HPSE2: variants seen among roughly 807,000 people sequenced by gnomAD.
The protein encoded by HPSE2 is heparanase 2 (inactive), also known as inactive heparanase-2.
HPSE2 carries 38 observed loss-of-function variants against 60.5 expected under a neutral mutation model. That is an observed-to-expected ratio of 0.63 (90% CI 0.48 to 0.82). The LOEUF is 0.82. HPSE2 is among the 40% of genes least tolerant of loss of function. The pLI, the probability that HPSE2 is intolerant of heterozygous loss-of-function variation, is 0.00. For synonymous variants in HPSE2, 295 were observed against 293.2 expected, an observed-to-expected ratio of 1.01 and a Z score of -0.06; for missense variants, 713 against 740.4, an observed-to-expected ratio of 0.96 and a Z score of 0.43.
intron 3 of HPSE2, among the ~76,000 whole-genome samples, chr10:99,116,329 ATTC>A (rs1844689496): frequency 6.6e-6 from 1 of 152,144 alleles, no homozygotes; most frequent in African/African-American, 2.4e-5. Flanking sequence ...GCCCATTATG[ATTC>A]CTTCATCTAT....
intron 9 of HPSE2, among the ~76,000 whole-genome samples, chr10:98,614,494 ATGTTAGCCAGGATGGG>A (rs751198006): frequency 3.0e-4 from 45 of 152,054 alleles, no homozygotes; most frequent in Non-Finnish European, 5.6e-4. Context: ...GGGTTTCACC[ATGTTAGCCAGGATGGG>A]CTCGATCTCC....
At chr10:98,897,230 C>A (rs1433397440) in intron 3 of HPSE2, among the ~76,000 whole-genome samples, 3 of 152,104 alleles carry the variant, frequency 2.0e-5, no homozygotes, top group Non-Finnish European at 2.9e-5. Flanking sequence ...TTATTGAGTA[C>A]AGTGTACACC....
intron 2 of HPSE2, among the ~76,000 whole-genome samples, chr10:99,165,271 A>G (rs1847030397): frequency 6.6e-6 from 1 of 152,014 alleles, no homozygotes; most frequent in African/African-American, 2.4e-5. Context: ...TACCAACCAC[A>G]GTACAGTGCT....
rs576574839 is a variant in HPSE2, at chr10:99,073,889, G to C, written c.610+70349C>G. On this transcript the variant is annotated intron_variant, in intron 3 of 11. Transcript: ENST00000370552. ...ATGGAAACAAAAGTGACTTTTATAT[G>C]TTGATTTTGAATCCTAAAACTTTAC... Among the ~76,000 whole-genome samples the C allele has an allele frequency of 3.5e-5, 5 of 142,694 alleles. No homozygotes were observed. In the South Asian group the frequency reaches 1.1e-3, roughly 32 times the overall value. 93.6% of individuals were successfully genotyped at this position (142,694 alleles called of 152,430 possible).
chr10:99,220,756 C>A (rs1849281700), intron 2 of HPSE2, among the ~76,000 whole-genome samples: 1 of 148,556 alleles, frequency 6.7e-6, no homozygotes, highest in South Asian at 2.2e-4. Flanking sequence ...TGAGCTGAGA[C>A]TGCATCACTG....
At position 98,459,545 on chromosome 10, in the gene HPSE2, C is replaced by T; in HGVS notation, c.*29G>A. On this transcript the variant is annotated 3_prime_UTR_variant, in exon 12 of 12. Transcript: ENST00000370552. ...GAGGAGTGGAAGCAGCCCAGCAGGC[C>T]CACTGGTAGCCGTGAGTGTGAGGAT... The T allele has an allele frequency of 6.2e-7, 1 of 1,613,240 alleles. No homozygotes were observed. Among genetic ancestry groups the T allele is most frequent in the African/African-American group, 1.3e-5 (1 of 74,980 alleles).
intron 3 of HPSE2, among the ~76,000 whole-genome samples, chr10:98,967,878 GGA>G (rs63185062): frequency 0.47 from 71,939 of 151,584 alleles, 19,079 homozygotes; most frequent in East Asian, 0.62. Flanking sequence ...ACAAGCAAAA[GGA>G]GAGGGAATAT....
chr10:98,664,340 T>C lies in HPSE2; in HGVS notation c.1005-22400A>G, dbSNP rs563312055. Among the ~76,000 whole-genome samples, 4 of 152,144 alleles carry C rather than the reference T, an allele frequency of 2.6e-5. No homozygotes were observed. The East Asian group carries it at 7.8e-4, about 30-fold the overall frequency. Reference sequence around the variant, plus strand: ...TCTCAGAACACTGAATGGGGTGAGATGCCTGGGTTTGTGGGCTGGCAGGGA... The same window carrying C: ...TCTCAGAACACTGAATGGGGTGAGACGCCTGGGTTTGTGGGCTGGCAGGGA... On this transcript the variant is annotated intron_variant, in intron 6 of 11. Coordinates refer to ENST00000370552, the MANE Select transcript of HPSE2 (RefSeq NM_021828.5).
In HPSE2 at chr10:98,743,984, A is replaced by C; in HGVS notation, c.683T>G (p.Leu228Arg). 1 of 1,614,166 alleles carries C rather than the reference A, an allele frequency of 6.2e-7. No homozygotes were observed. The highest frequency in any genetic ancestry group is 1.3e-5 in the African/African-American group (1 of 75,058). ...GLHLIFALNA[L>R]RRNPNNSWNS... Reference sequence around the variant, plus strand: ...CCAGGAGTTATTGGGATTACGACGCAGTGCATTTAGAGCAAATATCAGGTG... The same window carrying C: ...CCAGGAGTTATTGGGATTACGACGCCGTGCATTTAGAGCAAATATCAGGTG... The change falls in exon 4 of 12, where the codon CTG becomes CGG. Residue 228 changes from leucine (L) to arginine (R), a missense_variant. Physicochemically the swap from Leu to Arg is moderately radical, Grantham distance 102. Coordinates refer to ENST00000370552, the MANE Select transcript of HPSE2 (RefSeq NM_021828.5).
At chr10:98,898,631 T>C (rs1216217350) in intron 3 of HPSE2, among the ~76,000 whole-genome samples, 1 of 152,098 alleles carries the variant, frequency 6.6e-6, no homozygotes, top group East Asian at 1.9e-4. Context: ...AACTATTCTG[T>C]ATATTATAGC....
chr10:99,305,248 G>A, the HPSE2 span, among the ~76,000 whole-genome samples: 2 of 152,150 alleles, frequency 1.3e-5, no homozygotes, highest in Non-Finnish European at 2.9e-5. Context: ...GAAGCTTCAT[G>A]GGGTGGAAGG....
intron 6 of HPSE2, among the ~76,000 whole-genome samples, chr10:98,674,117 A>G (rs780631127): frequency 2.0e-5 from 3 of 152,226 alleles, no homozygotes; most frequent in African/African-American, 4.8e-5. Flanking sequence ...TTAACTTTAT[A>G]TAAAGAAGCT....
In HPSE2 at chr10:98,625,648, G is replaced by T. The variant is rs1181327567; in HGVS notation, c.1099-4940C>A. 2.0e-5 allele frequency among the ~76,000 whole-genome samples: 3 copies of T among 152,122 alleles called. No homozygotes were observed. In the East Asian group the frequency reaches 5.8e-4, roughly 29 times the overall value. ...AAACGGCAACTTTAAGCAAAAGAACGTATAATATAACCAATGTTGCTATAG... is the reference window on the plus strand; with the variant it reads ...AAACGGCAACTTTAAGCAAAAGAACTTATAATATAACCAATGTTGCTATAG... On this transcript the variant is annotated intron_variant, in intron 7 of 11. Coordinates refer to ENST00000370552, the MANE Select transcript of HPSE2 (RefSeq NM_021828.5).
the HPSE2 span, among the ~76,000 whole-genome samples, chr10:99,270,975 G>T: frequency 6.6e-6 from 1 of 152,214 alleles, no homozygotes; most frequent in Admixed American, 6.5e-5. Flanking sequence ...TGGCATAGAA[G>T]GGACATACCT....
chr10:98,716,397 T>C (rs943219662), intron 5 of HPSE2, among the ~76,000 whole-genome samples: 10 of 151,632 alleles, frequency 6.6e-5, no homozygotes, highest in African/African-American at 2.4e-4. Context: ...GTAACTAACC[T>C]GCACAATGTG....
chr10:99,285,476 A>AGGGAGGGAGGG, the HPSE2 span, among the ~76,000 whole-genome samples: 2 of 97,074 alleles, frequency 2.1e-5, no homozygotes, highest in Admixed American at 1.1e-4. Flanking sequence ...GGAAGGAAGG[A>AGGGAGGGAGGG]AGGGAGGGAG....
rs572371438 is a variant in HPSE2 at position 98,511,614 on chromosome 10, G to A, written c.1321-21418C>T. Reference sequence around the variant, plus strand: ...TGTGTGTGTTTGTGTGTGTGTGTGCGCACGTGTGTGTTGGGAAGGTTCAGG... The same window carrying A: ...TGTGTGTGTTTGTGTGTGTGTGTGCACACGTGTGTGTTGGGAAGGTTCAGG... On this transcript the variant is annotated intron_variant, in intron 9 of 11. Transcript: ENST00000370552. 3.2e-4 allele frequency among the ~76,000 whole-genome samples: 48 copies of A among 151,102 alleles called. No homozygotes were observed. In the South Asian group the frequency reaches 6.1e-3, roughly 19 times the overall value.
chr10:99,218,259 C>G (rs781303111), intron 2 of HPSE2, among the ~76,000 whole-genome samples: 2 of 150,720 alleles, frequency 1.3e-5, no homozygotes, highest in African/African-American at 4.9e-5. Flanking sequence ...TTCCTTGAAG[C>G]TTTCTGAAGG....
chr10:99,253,576 G>T, the HPSE2 span, among the ~76,000 whole-genome samples: 2 of 152,070 alleles, frequency 1.3e-5, no homozygotes, highest in African/African-American at 4.8e-5. Context: ...GCCCTGAAAA[G>T]CAACTACAAC....
Sources: gnomAD v4.1 joint callset for allele counts (sites outside exome capture counted in the v4.1 genomes callset) on GRCh38, gnomAD v4.1.1 for gene constraint, MANE v1.5 for transcripts, NCBI Gene and HGNC (gene_info 2026-07-23, HGNC 2026-07-21) for gene names.